MAML2: variants seen among roughly 807,000 people sequenced by gnomAD.
MAML2 encodes the protein mastermind like transcriptional coactivator 2.
Under a neutral mutation model 96.1 loss-of-function variants are expected in MAML2, and 22 were observed. The ratio of observed to expected loss-of-function variants is 0.23; its 90% CI spans 0.16 to 0.33. MAML2 has a LOEUF of 0.33. Among genes scored for constraint, MAML2 ranks in the 10% least tolerant of loss-of-function variants. The probability of loss-of-function intolerance (pLI) is 1.00; values close to 1 mark genes in which losing one functional copy is unlikely to be tolerated. For synonymous variants in MAML2, 561 were observed against 521.3 expected (o/e 1.08, Z -1.04); for missense variants, 1,367 against 1,392.4 (o/e 0.98, Z 0.29).
intron 2 of MAML2, among the ~76,000 whole-genome samples, chr11:96,031,359 T>G (rs77968499): frequency 1.6e-4 from 22 of 141,144 alleles, no homozygotes; most frequent in African/African-American, 5.1e-4. Context: ...GTGTGTGTGT[T>G]TGTGTGTTTT....
intron 1 of MAML2, among the ~76,000 whole-genome samples, chr11:96,094,802 A>C (rs1052645040): frequency 6.6e-6 from 1 of 152,194 alleles, no homozygotes. Context: ...TAACTGTAAA[A>C]TACACGAGGC....
chr11:96,210,048 T>A (rs1372374434), intron 1 of MAML2, among the ~76,000 whole-genome samples: 1 of 152,218 alleles, frequency 6.6e-6, no homozygotes, highest in Non-Finnish European at 1.5e-5. Context: ...CAGTTAATTT[T>A]GCTTTTCTTT....
At chr11:96,041,014 A>G (rs1858798696) in intron 2 of MAML2, among the ~76,000 whole-genome samples, 1 of 152,226 alleles carries the variant, frequency 6.6e-6, no homozygotes, top group Non-Finnish European at 1.5e-5. Context: ...TGATTGCTGT[A>G]GAGTATGTTC....
chr11:96,249,975 C>T (rs1379908195), intron 1 of MAML2, among the ~76,000 whole-genome samples: 1 of 152,198 alleles, frequency 6.6e-6, no homozygotes, highest in African/African-American at 2.4e-5. Flanking sequence ...ATCACTCCCA[C>T]CTAGTTTACT....
chr11:96,184,389 G>A (rs1468717878), intron 1 of MAML2, among the ~76,000 whole-genome samples: 2 of 151,732 alleles, frequency 1.3e-5, no homozygotes, highest in Admixed American at 6.6e-5. Flanking sequence ...TCAGTGAGCC[G>A]AGATCATGCC....
rs1283467392 is a variant in MAML2, at chr11:95,991,648, T to C, written c.2215A>G (p.Ser739Gly). The C allele has an allele frequency of 6.2e-7, 1 of 1,613,812 alleles. No homozygotes were observed. The highest frequency in any genetic ancestry group is 2.2e-5 in the East Asian group (1 of 44,888). Residue 739 changes from serine (S) to glycine (G), a missense_variant, in exon 3 of 5, where the codon AGT becomes GGT. Ser to Gly is a moderately conservative substitution (Grantham distance 56). Transcript: ENST00000524717. ...PNPCSNPNTG[S>G]GYMNSQQSLL... ...GATTGCTGGGAGTTCATGTAACCAC[T>C]TCCAGTGTTTGGATTTGAGCAGGGG...
chr11:96,093,504 A>G lies in MAML2; in HGVS notation c.527T>C (p.Leu176Ser), dbSNP rs2135813958. 5.0e-6 allele frequency: 8 copies of G among 1,602,594 alleles called. No homozygotes were observed. The East Asian group carries it at 8.9e-5, about 18-fold the overall frequency. ...TAGGTTAACTACCTGTTTTCTTTTC[A>G]AGGAACCCTGGAGCTGAAAGACAGA... Reference protein sequence around the residue: ...NSALIALQGSLKRKQVVNLSP... With the variant: ...NSALIALQGSSKRKQVVNLSP... Residue 176 changes from leucine (L) to serine (S), a missense_variant, in exon 2 of 5, where the codon TTG (leucine) becomes TCG (serine). Transcript: ENST00000524717.
intron 2 of MAML2, among the ~76,000 whole-genome samples, chr11:96,025,465 C>T (rs1254093413): frequency 2.6e-5 from 4 of 152,102 alleles, no homozygotes; most frequent in Non-Finnish European, 5.9e-5. Context: ...ACTCGAGTGA[C>T]GAGATAATTC....
At chr11:96,100,186 A>G (rs1406443241) in intron 1 of MAML2, among the ~76,000 whole-genome samples, 1 of 152,226 alleles carries the variant, frequency 6.6e-6, no homozygotes, top group Admixed American at 6.5e-5. Flanking sequence ...GAGCCAGGGC[A>G]TGCTTCCTTA....
intron 1 of MAML2, among the ~76,000 whole-genome samples, chr11:96,240,557 CAAAAAAAAAAAAA>C (rs55659413): frequency 0.011 from 559 of 51,114 alleles, 30 homozygotes; most frequent in African/African-American, 0.032. Flanking sequence ...GACTCCGTCT[CAAAAAAAAAAAAA>C]AAAAAAAAAA....
chr11:96,237,686 A>G (rs1862383549), intron 1 of MAML2, among the ~76,000 whole-genome samples: 1 of 152,232 alleles, frequency 6.6e-6, no homozygotes, highest in Non-Finnish European at 1.5e-5. Context: ...TCATTAATGT[A>G]ATATGTAATT....
chr11:96,040,506 C>T (rs1050026620), intron 2 of MAML2, among the ~76,000 whole-genome samples: 3 of 152,152 alleles, frequency 2.0e-5, no homozygotes, highest in Admixed American at 6.5e-5. Context: ...GTGGCTCACA[C>T]CTGTAATCCC....
At chr11:96,169,429 C>G (rs1014383888) in intron 1 of MAML2, among the ~76,000 whole-genome samples, 2 of 152,212 alleles carry the variant, frequency 1.3e-5, no homozygotes, top group African/African-American at 4.8e-5. Flanking sequence ...CTCCCAGGCC[C>G]TGGGGATGGG....
intron 2 of MAML2, among the ~76,000 whole-genome samples, chr11:96,083,085 G>A (rs990240729): frequency 2.0e-5 from 3 of 152,368 alleles, no homozygotes; most frequent in African/African-American, 4.8e-5. Flanking sequence ...GAAGTGGCAC[G>A]TGGGGTGCAA....
At chr11:95,985,423 T>A (rs1056513538) in intron 4 of MAML2, 108 bp downstream of exon 4, 47 of 652,544 alleles carry the variant, frequency 7.2e-5, no homozygotes, top group Non-Finnish European at 1.1e-4. Context: ...GAGTTAGAAA[T>A]TCTAAGAAAG....
intron 1 of MAML2, among the ~76,000 whole-genome samples, chr11:96,208,393 C>T (rs1565249158): frequency 6.6e-6 from 1 of 152,196 alleles, no homozygotes; most frequent in Non-Finnish European, 1.5e-5. Context: ...ACATTCTGCT[C>T]TAATGTTTTA....
chr11:96,040,638 G>T (rs1325354059), intron 2 of MAML2, among the ~76,000 whole-genome samples: 1 of 151,992 alleles, frequency 6.6e-6, no homozygotes, highest in African/African-American at 2.4e-5. Flanking sequence ...ATGGTGGTGG[G>T]CGCCTGTAAT....
intron 1 of MAML2, among the ~76,000 whole-genome samples, chr11:96,251,733 CT>C (rs5793793): frequency 0.5 from 66,735 of 134,152 alleles, 15,279 homozygotes; most frequent in East Asian, 0.7. Flanking sequence ...AATACAAACC[CT>C]TTTTTTTTTT....
intron 2 of MAML2, among the ~76,000 whole-genome samples, chr11:96,056,152 G>A (rs557667622): frequency 5.9e-5 from 9 of 152,164 alleles, no homozygotes; most frequent in Non-Finnish European, 1.2e-4. Context: ...ATTACTTTTG[G>A]GTTCACCTTC....
Sources: gnomAD v4.1 joint callset for allele counts (sites outside exome capture counted in the v4.1 genomes callset) on GRCh38, gnomAD v4.1.1 for gene constraint, MANE v1.5 for transcripts, NCBI Gene and HGNC (gene_info 2026-07-23, HGNC 2026-07-21) for gene names.